KCNH7: variants seen among roughly 807,000 people sequenced by gnomAD.
The protein encoded by KCNH7 is voltage-gated inwardly rectifying potassium channel KCNH7.
A neutral mutation model predicts 120.8 loss-of-function variants in KCNH7; 49 were observed. That is an observed-to-expected ratio of 0.41 (90% CI 0.32 to 0.51). The LOEUF (loss-of-function observed/expected upper bound fraction) is 0.51. Ranked by LOEUF, KCNH7 falls within the 20% of genes least tolerant of loss-of-function variation. The pLI, the probability that KCNH7 is intolerant of heterozygous loss-of-function variation, is 0.38. For missense variants in KCNH7, 1,097 were observed against 1,446.6 expected, an observed-to-expected ratio of 0.76 and a Z score of 3.92; for synonymous variants, 547 against 516.1, an observed-to-expected ratio of 1.06 and a Z score of -0.81.
chr2:162,738,266 T>A (rs949689041), intron 2 of KCNH7, among the ~76,000 whole-genome samples: 2 of 152,106 alleles, frequency 1.3e-5, no homozygotes, highest in Non-Finnish European at 2.9e-5. Flanking sequence ...GAATGTCCTG[T>A]TACTCCTTGC....
At chr2:162,749,898 A>G (rs976082347) in intron 2 of KCNH7, among the ~76,000 whole-genome samples, 5 of 152,186 alleles carry the variant, frequency 3.3e-5, no homozygotes, top group African/African-American at 1.2e-4. Flanking sequence ...ATGAAGGTAA[A>G]ATGAAATAAA....
chr2:162,475,326 G>A (rs1689699165), intron 6 of KCNH7, among the ~76,000 whole-genome samples: 1 of 152,140 alleles, frequency 6.6e-6, no homozygotes, highest in Non-Finnish European at 1.5e-5. Context: ...ATAATAATCA[G>A]TTGTCTCACA....
At chr2:162,739,897 A>ATTGATTT (rs112495593) in intron 2 of KCNH7, among the ~76,000 whole-genome samples, 12,684 of 152,094 alleles carry the variant, frequency 0.083, 1,620 homozygotes, top group African/African-American at 0.27. Flanking sequence ...AGGGCTGGGT[A>ATTGATTT]TTGATTGAGT....
intron 6 of KCNH7, among the ~76,000 whole-genome samples, chr2:162,453,293 T>C (rs1211184399): frequency 6.6e-6 from 1 of 152,212 alleles, no homozygotes; most frequent in East Asian, 1.9e-4. Flanking sequence ...GGATATGATC[T>C]CATTCTTTTT....
chr2:162,767,847 C>T (rs946271672), intron 2 of KCNH7, among the ~76,000 whole-genome samples: 5 of 152,028 alleles, frequency 3.3e-5, no homozygotes, highest in Admixed American at 6.6e-5. Context: ...TTAATATGAA[C>T]AAATTTTACC....
chr2:162,550,308 G>A (rs1365503637), intron 2 of KCNH7, among the ~76,000 whole-genome samples: 5 of 152,154 alleles, frequency 3.3e-5, no homozygotes, highest in Non-Finnish European at 5.9e-5. Flanking sequence ...TATGTTCACT[G>A]TCTATCCTTC....
intron 2 of KCNH7, among the ~76,000 whole-genome samples, chr2:162,575,391 G>A (rs1448960485): frequency 6.6e-6 from 1 of 151,982 alleles, no homozygotes; most frequent in Non-Finnish European, 1.5e-5. Flanking sequence ...GGGGACTTTA[G>A]TCTGCCTCTT....
At chr2:162,395,498 A>G (rs935288572) in intron 11 of KCNH7, among the ~76,000 whole-genome samples, 4 of 151,710 alleles carry the variant, frequency 2.6e-5, no homozygotes, top group African/African-American at 9.7e-5. Context: ...CCTTGTAAAT[A>G]AAAATGGAAG....
At chr2:162,575,294 A>T (rs571034411) in intron 2 of KCNH7, among the ~76,000 whole-genome samples, 80 of 152,140 alleles carry the variant, frequency 5.3e-4, no homozygotes, top group African/African-American at 1.7e-3. Context: ...TTCCTCAATC[A>T]TGGTTCTCTT....
intron 9 of KCNH7, among the ~76,000 whole-genome samples, chr2:162,414,230 A>C (rs1255333311): frequency 1.3e-5 from 2 of 151,996 alleles, no homozygotes; most frequent in Admixed American, 6.6e-5. Flanking sequence ...TTAAAATTAC[A>C]TATAATCTTT....
At chr2:162,629,011 G>T (rs755999637) in intron 2 of KCNH7, among the ~76,000 whole-genome samples, 2 of 152,034 alleles carry the variant, frequency 1.3e-5, no homozygotes, top group Non-Finnish European at 2.9e-5. Flanking sequence ...TTGGGACAAG[G>T]CCAGAATCAA....
intron 2 of KCNH7, among the ~76,000 whole-genome samples, chr2:162,698,573 TGTTTGA>T: frequency 6.6e-6 from 1 of 152,126 alleles, no homozygotes; most frequent in East Asian, 1.9e-4. Flanking sequence ...GAATCAACTG[TGTTTGA>T]GCAAAACTCA....
At chr2:162,743,465 G>A (rs1688208526) in intron 2 of KCNH7, among the ~76,000 whole-genome samples, 1 of 151,980 alleles carries the variant, frequency 6.6e-6, no homozygotes, top group Admixed American at 6.6e-5. Flanking sequence ...AAATAATGTA[G>A]AATGTTACCA....
intron 2 of KCNH7, among the ~76,000 whole-genome samples, chr2:162,730,675 A>G (rs1469959809): frequency 2.6e-5 from 4 of 152,066 alleles, no homozygotes; most frequent in Admixed American, 2.6e-4. Context: ...ATCTTACATA[A>G]AGCATAGCAG....
chr2:162,463,823 A>G (rs1478140962), intron 6 of KCNH7, among the ~76,000 whole-genome samples: 1 of 151,830 alleles, frequency 6.6e-6, no homozygotes, highest in East Asian at 1.9e-4. Context: ...AAAAAAAAAA[A>G]AAGCATTCCC....
intron 2 of KCNH7, among the ~76,000 whole-genome samples, chr2:162,733,235 T>C (rs1687787840): frequency 6.6e-6 from 1 of 152,196 alleles, no homozygotes; most frequent in Non-Finnish European, 1.5e-5. Flanking sequence ...GTAGTTAGCA[T>C]GGATCGTTCC....
In KCNH7 at chr2:162,566,172, C is replaced by CA. The variant is rs532914576; in HGVS notation, c.308-29093dup. 1.6e-4 allele frequency among the ~76,000 whole-genome samples: 24 copies of CA among 151,624 alleles called. 1 individual carries two copies. The South Asian group carries it at 1.9e-3, about 12-fold the overall frequency. Reference sequence around the variant, plus strand: ...CCAGCACCAACCCTTTCCTCCTCCTCAAAAAAAAGCATCTGTTGTTTATTA... The same window carrying CA: ...CCAGCACCAACCCTTTCCTCCTCCTCAAAAAAAAAGCATCTGTTGTTTATTA... On this transcript the variant is annotated intron_variant, in intron 2 of 15. Coordinates refer to ENST00000332142, the MANE Select transcript of KCNH7 (RefSeq NM_033272.4).
intron 2 of KCNH7, among the ~76,000 whole-genome samples, chr2:162,645,104 C>T (rs1224106605): frequency 6.6e-6 from 1 of 152,020 alleles, no homozygotes; most frequent in Non-Finnish European, 1.5e-5. Flanking sequence ...TTAAAAATCC[C>T]CATGGCACTA....
chr2:162,700,886 T>A (rs1686471047), intron 2 of KCNH7, among the ~76,000 whole-genome samples: 1 of 152,152 alleles, frequency 6.6e-6, no homozygotes, highest in South Asian at 2.1e-4. Context: ...AAAATCAGAG[T>A]TTTGGCTTAT....
Sources: allele counts gnomAD v4.1 joint callset (sites outside exome capture counted in the v4.1 genomes callset), GRCh38; gene constraint gnomAD v4.1.1; transcripts MANE v1.5; gene names NCBI Gene and HGNC (gene_info 2026-07-23, HGNC 2026-07-21).